GPC6: variants seen among roughly 807,000 people sequenced by gnomAD.
The protein encoded by GPC6 is glypican 6.
Under a neutral mutation model 55.2 loss-of-function variants are expected in GPC6, and 14 were observed. The ratio of observed to expected loss-of-function variants is 0.25; its 90% CI spans 0.17 to 0.40. The LOEUF (loss-of-function observed/expected upper bound fraction) is 0.40, where lower values mean the gene tolerates loss of function less well. Ranked by LOEUF, GPC6 falls within the 10% of genes least tolerant of loss-of-function variation. The pLI is 1.00. For missense variants in GPC6, 641 were observed against 708.5 expected, an observed-to-expected ratio of 0.90 and a Z score of 1.08; for synonymous variants, 278 against 259.6, an observed-to-expected ratio of 1.07 and a Z score of -0.68.
At chr13:93,386,095 T>G (rs1307880025) in intron 1 of GPC6, among the ~76,000 whole-genome samples, 1 of 110,976 alleles carries the variant, frequency 9.0e-6, no homozygotes, top group East Asian at 3.5e-4. Flanking sequence ...ATGACCACTT[T>G]GTTAAAAAAA....
chr13:94,013,062 A>C (rs923011136), intron 3 of GPC6, among the ~76,000 whole-genome samples: 6 of 152,180 alleles, frequency 3.9e-5, no homozygotes, highest in African/African-American at 1.2e-4. Flanking sequence ...ATAAAAGGCA[A>C]ATCCTCATAA....
intron 3 of GPC6, among the ~76,000 whole-genome samples, chr13:93,940,929 A>G (rs1179447759): frequency 1.3e-5 from 2 of 152,234 alleles, no homozygotes; most frequent in African/African-American, 2.4e-5. Context: ...AAGCTGAATG[A>G]TAGCTGTACA....
intron 2 of GPC6, among the ~76,000 whole-genome samples, chr13:93,653,272 T>G (rs1880501297): frequency 6.6e-6 from 1 of 152,204 alleles, no homozygotes; most frequent in African/African-American, 2.4e-5. Context: ...TCCTAGAATG[T>G]ATTAGAGGTT....
chr13:94,024,054 G>A (rs1302367750), intron 3 of GPC6, among the ~76,000 whole-genome samples: 2 of 151,370 alleles, frequency 1.3e-5, no homozygotes, highest in African/African-American at 4.9e-5. Context: ...TGGTGGTGGT[G>A]GTTCCACAAA....
intron 2 of GPC6, among the ~76,000 whole-genome samples, chr13:93,638,823 C>T (rs1879799628): frequency 6.6e-6 from 1 of 152,062 alleles, no homozygotes; most frequent in Non-Finnish European, 1.5e-5. Context: ...AGTATAATAT[C>T]TCAAAATAAC....
chr13:93,950,620 C>T (rs1879210985), intron 3 of GPC6, among the ~76,000 whole-genome samples: 1 of 152,082 alleles, frequency 6.6e-6, no homozygotes, highest in South Asian at 2.1e-4. Flanking sequence ...CAGTATTTTC[C>T]CTAACCTAGC....
At chr13:94,045,002 A>G (rs1236636716) in intron 4 of GPC6, among the ~76,000 whole-genome samples, 1 of 151,908 alleles carries the variant, frequency 6.6e-6, no homozygotes, top group Non-Finnish European at 1.5e-5. Context: ...AGAGTGAGAT[A>G]TATATTTGTG....
intron 4 of GPC6, among the ~76,000 whole-genome samples, chr13:94,126,492 C>T (rs1053423447): frequency 3.3e-5 from 5 of 152,138 alleles, no homozygotes; most frequent in Non-Finnish European, 5.9e-5. Flanking sequence ...ATGAAAGTGG[C>T]TTTTAGTGAC....
rs1446298861 is a variant in GPC6 at position 93,815,712 on chromosome 13, A to T, written c.320-14442A>T. Among the ~76,000 whole-genome samples the T allele has an allele frequency of 2.0e-5, 3 of 152,212 alleles. No individual in the cohort carries two copies. The East Asian group carries it at 5.8e-4, about 29-fold the overall frequency. On this transcript the variant is annotated intron_variant, in intron 2 of 8. Coordinates refer to ENST00000377047, the MANE Select transcript of GPC6 (RefSeq NM_005708.5). Reference sequence around the variant, plus strand: ...GTTGACATTAAATTTATTCATTTTCATTTAGTTCTTACACAATAATACTTT... The same window carrying T: ...GTTGACATTAAATTTATTCATTTTCTTTTAGTTCTTACACAATAATACTTT...
In GPC6 at chr13:94,147,376, T is replaced by A. The variant is rs370434307; in HGVS notation, c.877+119482T>A. ...AGCTTGGCATCATCATTACAGGATG[T>A]TAGGCTCTATAGCCTGGGTCAAATC... is the stretch of plus-strand genomic sequence containing the variant. On this transcript the variant is annotated intron_variant, in intron 4 of 8. Coordinates refer to ENST00000377047, the MANE Select transcript of GPC6 (RefSeq NM_005708.5). Among the ~76,000 whole-genome samples the A allele has an allele frequency of 1.3e-3, 192 of 152,282 alleles. 1 individual carries two copies. The highest frequency in any genetic ancestry group is 4.4e-3 in the African/African-American group (182 of 41,574).
intron 2 of GPC6, among the ~76,000 whole-genome samples, chr13:93,821,289 G>A (rs1219311306): frequency 6.6e-6 from 1 of 152,070 alleles, no homozygotes; most frequent in Non-Finnish European, 1.5e-5. Flanking sequence ...ACCCCTTCTT[G>A]AAACTGTTAC....
At position 94,027,810 on chromosome 13, in the gene GPC6, C is replaced by G. The variant is rs1420068050; in HGVS notation, c.793C>G (p.Pro265Ala). ...PYCRGLPTVR[P>A]CNNYCLNVMK... Reference sequence around the variant, plus strand: ...CTGTCGGGGGCTTCCCACTGTGAGGCCCTGCAACAACTACTGTCTCAACGT... The same window carrying G: ...CTGTCGGGGGCTTCCCACTGTGAGGGCCTGCAACAACTACTGTCTCAACGT... The change falls in exon 4 of 9, where the codon CCC becomes GCC. Residue 265 changes from proline (P) to alanine (A), a missense_variant. By Grantham distance (27) the Pro-to-Ala change is conservative (BLOSUM62 -1). Coordinates refer to ENST00000377047, the MANE Select transcript of GPC6 (RefSeq NM_005708.5). The G allele has an allele frequency of 6.2e-7, 1 of 1,613,892 alleles. No homozygotes were observed. Among genetic ancestry groups the G allele is most frequent in the Admixed American group, 1.7e-5 (1 of 60,014 alleles).
chr13:93,347,711 T>C (rs1381532756), intron 1 of GPC6, among the ~76,000 whole-genome samples: 2 of 152,180 alleles, frequency 1.3e-5, no homozygotes, highest in African/African-American at 4.8e-5. Context: ...GCTTTGATCT[T>C]TATTAGTTTC....
intron 2 of GPC6, among the ~76,000 whole-genome samples, chr13:93,569,905 T>C (rs1876320994): frequency 6.6e-6 from 1 of 152,142 alleles, no homozygotes; most frequent in Non-Finnish European, 1.5e-5. Flanking sequence ...ACCTTCAAAA[T>C]ATAAAGTATC....
In GPC6 at chr13:94,027,819, A is replaced by G. The variant is rs1455574101; in HGVS notation, c.802A>G (p.Asn268Asp). ...RGLPTVRPCN[N>D]YCLNVMKGCL... ...GCTTCCCACTGTGAGGCCCTGCAAC[A>G]ACTACTGTCTCAACGTCATGAAGGG... Residue 268 changes from asparagine to aspartate, a missense_variant, in exon 4 of 9, where the codon AAC becomes GAC. Physicochemically the swap from Asn to Asp is conservative, Grantham distance 23. Transcript: ENST00000377047. 2 of 1,614,102 alleles carry G rather than the reference A, an allele frequency of 1.2e-6. No individual in the cohort carries two copies. Among genetic ancestry groups the G allele is most frequent in the East Asian group, 2.2e-5 (1 of 44,868 alleles).
chr13:94,110,863 T>A (rs1594743621), intron 4 of GPC6, among the ~76,000 whole-genome samples: 1 of 152,080 alleles, frequency 6.6e-6, no homozygotes, highest in African/African-American at 2.4e-5. Flanking sequence ...GTACAAGAAT[T>A]TTTGTTTATT....
chr13:94,170,290 C>T (rs1325185847), intron 4 of GPC6, among the ~76,000 whole-genome samples: 2 of 138,420 alleles, frequency 1.4e-5, no homozygotes, highest in Non-Finnish European at 3.2e-5. Context: ...ATCAAATTCT[C>T]ATGCTTGATG....
chr13:94,393,143 CTTAT>C (rs1392401140), intron 7 of GPC6, among the ~76,000 whole-genome samples: 1 of 152,092 alleles, frequency 6.6e-6, no homozygotes, highest in African/African-American at 2.4e-5. Flanking sequence ...CTTGTAGTCC[CTTAT>C]TTGAGACCCT....
chr13:93,591,008 G>A (rs567002102), intron 2 of GPC6, among the ~76,000 whole-genome samples: 1 of 151,906 alleles, frequency 6.6e-6, no homozygotes, highest in Non-Finnish European at 1.5e-5. Flanking sequence ...AAGGATTTGG[G>A]ACATAAAAAT....
Sources: allele counts gnomAD v4.1 joint callset (sites outside exome capture counted in the v4.1 genomes callset), GRCh38; gene constraint gnomAD v4.1.1; transcripts MANE v1.5; gene names NCBI Gene and HGNC (gene_info 2026-07-23, HGNC 2026-07-21).